COL15A1: variants seen among roughly 807,000 people sequenced by gnomAD.
COL15A1 encodes the protein collagen alpha-1(XV) chain.
COL15A1 carries 111 observed loss-of-function variants against 165.9 expected under a neutral mutation model. The ratio of observed to expected loss-of-function variants is 0.67; its 90% CI spans 0.57 to 0.78. COL15A1 has a LOEUF of 0.78. Ranked by LOEUF, COL15A1 falls within the 30% of genes least tolerant of loss-of-function variation. The probability of loss-of-function intolerance (pLI) is 0.00; values close to 1 mark genes in which losing one functional copy is unlikely to be tolerated. For missense variants in COL15A1, 1,745 were observed against 1,789.7 expected (o/e 0.98, Z 0.45); for synonymous variants, 659 against 674.8 (o/e 0.98, Z 0.36).
intron 11 of COL15A1, among the ~76,000 whole-genome samples, chr9:99,017,998 C>T (rs990177180): frequency 6.6e-6 from 1 of 152,176 alleles, no homozygotes; most frequent in Admixed American, 6.5e-5. Flanking sequence ...AAGGGGAATA[C>T]TGGAGTATTC....
intron 4 of COL15A1, among the ~76,000 whole-genome samples, chr9:98,988,330 T>G (rs1838353438): frequency 6.6e-6 from 1 of 152,156 alleles, no homozygotes; most frequent in African/African-American, 2.4e-5. Flanking sequence ...CGCGTTAGTC[T>G]CTGCATTGCC....
intron 30 of COL15A1, among the ~76,000 whole-genome samples, chr9:99,050,532 C>A (rs952160412): frequency 3.3e-5 from 5 of 152,158 alleles, no homozygotes; most frequent in Admixed American, 6.5e-5. Context: ...CAGCTCTGTC[C>A]CTGATTTTTT....
Position 99,011,423 on chromosome 9 carries a change from A to ATAAC in COL15A1, c.1354-3994_1354-3993insTAAC, listed in dbSNP as rs1554688115. 1.3e-3 allele frequency among the ~76,000 whole-genome samples: 178 copies of ATAAC among 135,184 alleles called. 4 individuals are homozygous for ATAAC. The highest frequency in any genetic ancestry group is 4.9e-3 in the African/African-American group (173 of 35,474). The allele number at this position is 135,184 out of a possible 152,430, so 88.7% of individuals were successfully genotyped here. On this transcript the variant is annotated intron_variant, in intron 9 of 41. Coordinates refer to ENST00000375001, the MANE Select transcript of COL15A1 (RefSeq NM_001855.5). ...CTCTTTCTGAAAAAAAAAAAAAAAA[A>ATAAC]AGTCATTTTATTCTAGGACAAAATT... is the stretch of plus-strand genomic sequence containing the variant.
intron 2 of COL15A1, among the ~76,000 whole-genome samples, chr9:98,950,894 T>C (rs1837676769): frequency 6.6e-6 from 1 of 152,096 alleles, no homozygotes; most frequent in Admixed American, 6.5e-5. Flanking sequence ...TGAGCCACTG[T>C]GCCTGGCCTA....
intron 2 of COL15A1, among the ~76,000 whole-genome samples, chr9:98,978,310 TC>T (rs1488969359): frequency 2.0e-5 from 3 of 152,102 alleles, no homozygotes; most frequent in Non-Finnish European, 4.4e-5. Context: ...CTCAGGCCCT[TC>T]TCCCTGTGTC....
intron 16 of COL15A1, among the ~76,000 whole-genome samples, chr9:99,033,246 C>A (rs1014111518): frequency 6.6e-6 from 1 of 152,256 alleles, no homozygotes; most frequent in African/African-American, 2.4e-5. Flanking sequence ...GGCACCTCAG[C>A]AGCTGATCTT....
chr9:99,056,964 G>C (rs572951555), intron 35 of COL15A1, among the ~76,000 whole-genome samples: 1 of 152,228 alleles, frequency 6.6e-6, no homozygotes, highest in South Asian at 2.1e-4. Context: ...TGGACATTTG[G>C]GTTGTTTCTA....
intron 35 of COL15A1, among the ~76,000 whole-genome samples, chr9:99,059,226 T>C (rs1031796803): frequency 7.2e-5 from 11 of 152,194 alleles, no homozygotes; most frequent in African/African-American, 2.7e-4. Context: ...CTTCAAAAGC[T>C]AAGAGCTCCT....
chr9:98,946,198 A>G (rs1424696300), intron 2 of COL15A1, among the ~76,000 whole-genome samples: 1 of 152,220 alleles, frequency 6.6e-6, no homozygotes, highest in Admixed American at 6.5e-5. Context: ...CAATCCTTAC[A>G]ACCACTCCAG....
chr9:99,056,590 A>G (rs1825723817), intron 35 of COL15A1, among the ~76,000 whole-genome samples, 186 bp downstream of exon 35: 2 of 152,088 alleles, frequency 1.3e-5, no homozygotes, highest in South Asian at 4.1e-4. Context: ...TAAAGTGTCT[A>G]ATCCAGTAGT....
intron 5 of COL15A1, among the ~76,000 whole-genome samples, chr9:98,990,371 C>T (rs1210280514): frequency 6.6e-6 from 1 of 152,172 alleles, no homozygotes; most frequent in Non-Finnish European, 1.5e-5. Context: ...GGATGGCGGC[C>T]AACTCTTGGC....
At position 99,069,848 on chromosome 9, in the gene COL15A1, T is replaced by C; in HGVS notation, c.4129T>C (p.Cys1377Arg). 2 of 1,613,984 alleles carry C rather than the reference T, an allele frequency of 1.2e-6. No homozygotes were observed. Among genetic ancestry groups the C allele is most frequent in the Non-Finnish European group, 1.7e-6 (2 of 1,179,820 alleles). The change falls in exon 42 of 42, where the codon TGT (cysteine) becomes CGT (arginine). Residue 1377 changes from cysteine (C) to arginine (R), a missense_variant. By Grantham distance (180) the Cys-to-Arg change is radical. Transcript: ENST00000375001. ...YSCANRLIVLCIENSFMTDAR... is the reference protein window; with the variant it reads ...YSCANRLIVLRIENSFMTDAR... ...CTGTGCTAATCGGCTAATTGTCCTATGTATCGAAAACAGTTTCATGACAGA... is the reference window on the plus strand; with the variant it reads ...CTGTGCTAATCGGCTAATTGTCCTACGTATCGAAAACAGTTTCATGACAGA...
At chr9:98,996,905 A>G (rs1415970706) in intron 5 of COL15A1, 29 bp from the exon 6 acceptor site, 10 of 1,608,932 alleles carry the variant, frequency 6.2e-6, no homozygotes, top group African/African-American at 4.0e-5. Flanking sequence ...CAAGTAAATC[A>G]TTTTGCATCT....
chr9:98,987,830 G>A (rs1187895038), intron 4 of COL15A1, among the ~76,000 whole-genome samples: 1 of 152,202 alleles, frequency 6.6e-6, no homozygotes, highest in African/African-American at 2.4e-5. Context: ...AGCACCTGCT[G>A]GGTGCCAGCC....
At chr9:99,028,159 C>T (rs1429443429) in intron 16 of COL15A1, among the ~76,000 whole-genome samples, 1 of 152,190 alleles carries the variant, frequency 6.6e-6, no homozygotes, top group Non-Finnish European at 1.5e-5. Context: ...TAGCACAGCA[C>T]ATAGACCAAT....
chr9:98,951,815 C>T (rs948005157), intron 2 of COL15A1, among the ~76,000 whole-genome samples: 1 of 152,220 alleles, frequency 6.6e-6, no homozygotes, highest in Non-Finnish European at 1.5e-5. Context: ...TTCTTGACCT[C>T]CCAAAGTGCT....
At chr9:98,985,041 C>G (rs1452036438) in intron 2 of COL15A1, among the ~76,000 whole-genome samples, 1 of 152,164 alleles carries the variant, frequency 6.6e-6, no homozygotes, top group Non-Finnish European at 1.5e-5. Context: ...ATCCACCCAC[C>G]TGGGCCTCCC....
chr9:98,944,595 T>C (rs1303548693), intron 2 of COL15A1, among the ~76,000 whole-genome samples: 1 of 152,230 alleles, frequency 6.6e-6, no homozygotes, highest in Non-Finnish European at 1.5e-5. Context: ...GCAGCTTAGG[T>C]TGTGCGTGCT....
In COL15A1 at chr9:98,985,622, C is replaced by A; in HGVS notation, c.158C>A (p.Ser53Ter). The part of the protein sequence containing the change: ...LTQLIGVPLP[S>*]SVSFVTGYGG... ...CAGCTCATCGGTGTCCCGCTGCCCT[C>A]GTCCGTATCCTTTGTCACAGGCTAT... Residue 53 changes from serine (S) to a stop codon, truncating the protein, a stop_gained, in exon 3 of 42, where the codon TCG (serine) becomes TAG (stop). Transcript: ENST00000375001. LOFTEE classifies it high-confidence loss of function. The A allele has an allele frequency of 6.2e-7, 1 of 1,614,256 alleles. No homozygotes were observed. The highest frequency in any genetic ancestry group is 8.5e-7 in the Non-Finnish European group (1 of 1,180,044).
Sources: gnomAD v4.1 joint callset for allele counts (sites outside exome capture counted in the v4.1 genomes callset) on GRCh38, gnomAD v4.1.1 for gene constraint, MANE v1.5 for transcripts, NCBI Gene and HGNC (gene_info 2026-07-23, HGNC 2026-07-21) for gene names.